The following COL6A6 variants were observed in gnomAD, a reference collection of about 807,000 sequenced individuals.
COL6A6 encodes the protein collagen alpha-6(VI) chain.
In COL6A6, 183 loss-of-function variants were observed where a neutral mutation model predicts 208.6. The observed-to-expected ratio is 0.88, with a 90% CI of 0.78 to 0.99. COL6A6 has a LOEUF of 0.99. Among genes scored for constraint, COL6A6 ranks in the 50% least tolerant of loss-of-function variants. The probability of loss-of-function intolerance (pLI) is 0.00; values close to 1 mark genes in which losing one functional copy is unlikely to be tolerated. For synonymous variants in COL6A6, 973 were observed against 1,011.8 expected, an observed-to-expected ratio of 0.96 and a Z score of 0.73; for missense variants, 2,816 against 2,815.2, an observed-to-expected ratio of 1.00 and a Z score of -0.01.
intron 1 of COL6A6, among the ~76,000 whole-genome samples, chr3:130,537,280 T>G (rs995151069): frequency 2.0e-5 from 3 of 152,218 alleles, no homozygotes; most frequent in Admixed American, 2.0e-4. Context: ...ACCCTCTAAC[T>G]CAATCTCATC....
chr3:130,647,845 T>C (rs1036271041), intron 32 of COL6A6, among the ~76,000 whole-genome samples: 1 of 152,208 alleles, frequency 6.6e-6, no homozygotes, highest in African/African-American at 2.4e-5. Flanking sequence ...ATCACTGGGG[T>C]GTCCTTTTAC....
intron 23 of COL6A6, among the ~76,000 whole-genome samples, chr3:130,620,014 A>G (rs892714035): frequency 7.2e-5 from 11 of 152,186 alleles, no homozygotes; most frequent in African/African-American, 2.7e-4. Context: ...AGCTAATTGC[A>G]GCCTTGAACT....
At chr3:130,648,738 T>C (rs1474578357) in intron 32 of COL6A6, among the ~76,000 whole-genome samples, 4 of 152,232 alleles carry the variant, frequency 2.6e-5, no homozygotes, top group Middle Eastern at 6.3e-3. Flanking sequence ...CAAAACTTGA[T>C]ACTTTTGATC....
At chr3:130,641,607 T>A (rs1442277393) in intron 28 of COL6A6, 45 bp from the exon 29 acceptor site, 1 of 975,646 alleles carries the variant, frequency 1.0e-6, no homozygotes, top group African/African-American at 1.6e-5. Flanking sequence ...CACACACACA[T>A]ACATATATGT....
At chr3:130,576,284 C>G (rs1288112302) in intron 8 of COL6A6, among the ~76,000 whole-genome samples, 1 of 152,082 alleles carries the variant, frequency 6.6e-6, no homozygotes, top group African/African-American at 2.4e-5. Flanking sequence ...ACTCTCCTTG[C>G]GTATATGTGT....
At chr3:130,555,090 C>T (rs994600572) in intron 1 of COL6A6, among the ~76,000 whole-genome samples, 2 of 152,138 alleles carry the variant, frequency 1.3e-5, no homozygotes, top group Non-Finnish European at 2.9e-5. Context: ...AGCTTTAGGG[C>T]GTGGGCATTC....
Position 130,564,996 on chromosome 3 carries a change from T to A in COL6A6, c.664T>A (p.Cys222Ser). ...CTTGTTTATTTCTTGCCACACAGCT[T>A]GCCAAGGCCCTTCTATGGCCGATGT... Reference protein sequence around the residue: ...GAVDDIFVEACQGPSMADVVF... With the variant: ...GAVDDIFVEASQGPSMADVVF... The change falls in exon 4 of 37, where the codon TGC (cysteine) becomes AGC (serine). Residue 222 changes from cysteine to serine, a missense_variant and splice_region_variant. By Grantham distance (112) the Cys-to-Ser change is moderately radical (BLOSUM62 -1). Coordinates refer to ENST00000358511, the MANE Select transcript of COL6A6 (RefSeq NM_001102608.3). 6.2e-7 allele frequency: 1 copy of A among 1,611,794 alleles called. No individual in the cohort carries two copies. The highest frequency in any genetic ancestry group is 8.5e-7 in the Non-Finnish European group (1 of 1,178,444).
chr3:130,560,275 G>C, intron 1 of COL6A6, 59 bp from the exon 2 acceptor site: 1 of 1,069,636 alleles, frequency 9.3e-7, no homozygotes, highest in African/African-American at 1.6e-5. Flanking sequence ...GCTCTTGTAT[G>C]TGAGTCTTAA....
At chr3:130,629,230 T>C (rs2108308050) in intron 26 of COL6A6, among the ~76,000 whole-genome samples, 1 of 834 alleles carries the variant, frequency 1.2e-3, no homozygotes, top group East Asian at 0.014. Context: ...AAACCAAGGC[T>C]CGAGAACTAC....
intron 1 of COL6A6, among the ~76,000 whole-genome samples, chr3:130,556,957 C>A (rs1029141729): frequency 2.0e-5 from 3 of 152,128 alleles, no homozygotes; most frequent in African/African-American, 7.2e-5. Context: ...GTGCTCTTGG[C>A]TTAATTATTC....
intron 22 of COL6A6, among the ~76,000 whole-genome samples, chr3:130,609,183 C>T (rs554592319): frequency 2.3e-4 from 35 of 152,288 alleles, no homozygotes; most frequent in African/African-American, 6.5e-4. Flanking sequence ...AATGAGCAAA[C>T]TAGGCAGTGG....
chr3:130,581,968 CT>C (rs1231693838), intron 9 of COL6A6, 21 bp from the exon 10 acceptor site: 6 of 1,598,870 alleles, frequency 3.8e-6, no homozygotes, highest in Non-Finnish European at 5.1e-6. Flanking sequence ...ATTCATTTTA[CT>C]TTTTTTGAAT....
chr3:130,545,411 G>C (rs1293355113), intron 1 of COL6A6, among the ~76,000 whole-genome samples: 1 of 149,914 alleles, frequency 6.7e-6, no homozygotes, highest in African/African-American at 2.5e-5. Flanking sequence ...TCTCATCATT[G>C]CTCCAAGTGA....
chr3:130,642,436 C>T (rs2065344079), intron 29 of COL6A6, among the ~76,000 whole-genome samples: 1 of 152,098 alleles, frequency 6.6e-6, no homozygotes, highest in African/African-American at 2.4e-5. Context: ...GGTTGAAGAC[C>T]TTGAAACTTC....
At chr3:130,581,957 A>C (rs1260654762) in intron 9 of COL6A6, 33 bp from the exon 10 acceptor site, 1 of 1,587,830 alleles carries the variant, frequency 6.3e-7, no homozygotes, top group African/African-American at 1.4e-5. Flanking sequence ...AACCCTTTTT[A>C]ATTCATTTTA....
intron 35 of COL6A6, among the ~76,000 whole-genome samples, 193 bp from the exon 36 acceptor site, chr3:130,664,810 G>C (rs182432035): frequency 6.6e-6 from 1 of 152,312 alleles, no homozygotes; most frequent in African/African-American, 2.4e-5. Flanking sequence ...TATAAATTCA[G>C]AAGGGATGTG....
intron 1 of COL6A6, among the ~76,000 whole-genome samples, chr3:130,559,257 C>T (rs2062829004): frequency 6.6e-6 from 1 of 152,236 alleles, no homozygotes; most frequent in African/African-American, 2.4e-5. Context: ...TTGTACTACA[C>T]ATTGCCTCCT....
At chr3:130,519,949 G>A (rs966408167) in intron 1 of COL6A6, among the ~76,000 whole-genome samples, 30 of 152,146 alleles carry the variant, frequency 2.0e-4, no homozygotes, top group African/African-American at 6.3e-4. Flanking sequence ...CGAATGATCC[G>A]CCAAACATTG....
chr3:130,597,772 T>C (rs1560045723), intron 18 of COL6A6, among the ~76,000 whole-genome samples: 1 of 152,078 alleles, frequency 6.6e-6, no homozygotes, highest in Non-Finnish European at 1.5e-5. Flanking sequence ...AATTCAAAAT[T>C]TCAGGATTTT....
Sources: allele counts gnomAD v4.1 joint callset (sites outside exome capture counted in the v4.1 genomes callset), GRCh38; gene constraint gnomAD v4.1.1; transcripts MANE v1.5; gene names NCBI Gene and HGNC (gene_info 2026-07-23, HGNC 2026-07-21).